Variants in PRKCH observed in about 807,000 individuals in gnomAD.
The protein encoded by PRKCH is protein kinase C eta type.
In PRKCH, 28 loss-of-function variants were observed where a neutral mutation model predicts 82.5. The ratio of observed to expected loss-of-function variants is 0.34; its 90% CI spans 0.25 to 0.47. The LOEUF is 0.47. Among genes scored for constraint, PRKCH ranks in the 20% least tolerant of loss-of-function variants. PRKCH has a pLI of 1.00. For synonymous variants in PRKCH, 322 were observed against 327.4 expected (o/e 0.98, Z 0.18); for missense variants, 705 against 881.8 (o/e 0.80, Z 2.54).
intron 1 of PRKCH, among the ~76,000 whole-genome samples, chr14:61,260,197 T>G (rs2045034312): frequency 6.6e-6 from 1 of 152,222 alleles, no homozygotes; most frequent in African/African-American, 2.4e-5. Flanking sequence ...ATAAAGCTAA[T>G]TGCAACCCTT....
chr14:61,383,364 C>T (rs146197336), intron 1 of PRKCH, among the ~76,000 whole-genome samples: 70 of 152,124 alleles, frequency 4.6e-4, no homozygotes, highest in African/African-American at 1.6e-3. Flanking sequence ...AGGAACTCTG[C>T]GAGGCTCCTT....
chr14:61,306,099 TTGTC>T (rs2045483825), intron 1 of PRKCH: 1 of 152,230 alleles, frequency 6.6e-6, no homozygotes, highest in African/African-American at 2.4e-5. Context: ...ACATGGCCCT[TTGTC>T]TGGGACATGG....
chr14:61,476,576 CTGGTCTACTGTATATA>C (rs934076535), intron 9 of PRKCH: 1 of 152,182 alleles, frequency 6.6e-6, no homozygotes, highest in African/African-American at 2.4e-5. Context: ...CTTTGTTTCC[CTGGTCTACTGTATATA>C]TGCCAGTAAG....
chr14:61,320,690 G>A (rs2045606735), upstream of PRKCH, among the ~76,000 whole-genome samples: 1 of 152,212 alleles, frequency 6.6e-6, no homozygotes, highest in Non-Finnish European at 1.5e-5. Context: ...CAAGCTTTGC[G>A]GCATAGCAGC....
chr14:61,285,617 C>T (rs1042784947), intron 1 of PRKCH, among the ~76,000 whole-genome samples: 4 of 152,138 alleles, frequency 2.6e-5, no homozygotes, highest in Non-Finnish European at 4.4e-5. Context: ...ACAGTCACTG[C>T]GTAAACACTT....
chr14:61,450,103 A>G (rs1193231757), intron 5 of PRKCH, among the ~76,000 whole-genome samples: 3 of 152,192 alleles, frequency 2.0e-5, no homozygotes, highest in Admixed American at 6.5e-5. Flanking sequence ...CACATATAGG[A>G]TTGCTAAAGA....
chr14:61,414,086 TTGGGGGATCC>T (rs980798948), intron 2 of PRKCH, among the ~76,000 whole-genome samples: 1 of 152,086 alleles, frequency 6.6e-6, no homozygotes, highest in African/African-American at 2.4e-5. Flanking sequence ...GTTTGTATCC[TTGGGGGATCC>T]ATCTTCAGCC....
chr14:61,240,446 A>C (rs530895825), intron 1 of PRKCH, among the ~76,000 whole-genome samples: 1 of 152,236 alleles, frequency 6.6e-6, no homozygotes, highest in South Asian at 2.1e-4. Context: ...GAAGTCCTGC[A>C]CATGTGGTGT....
At chr14:61,530,693 T>A in intron 12 of PRKCH, 98 bp downstream of exon 12, 1 of 1,093,220 alleles carries the variant, frequency 9.1e-7, no homozygotes, top group Non-Finnish European at 1.3e-6. Context: ...AGTAAACCAC[T>A]AGCTCTAACT....
At chr14:61,453,406 G>A in intron 7 of PRKCH, 53 bp downstream of exon 7, 14 of 1,586,424 alleles carry the variant, frequency 8.8e-6, no homozygotes, top group Non-Finnish European at 1.2e-5. Flanking sequence ...GCTCAGATGT[G>A]ATGAGCCCAA....
At chr14:61,239,216 C>T (rs1273628645) in intron 1 of PRKCH, among the ~76,000 whole-genome samples, 1 of 152,200 alleles carries the variant, frequency 6.6e-6, no homozygotes, top group Non-Finnish European at 1.5e-5. Context: ...ACCAAAGATA[C>T]TGCCCCTAAA....
chr14:61,195,710 A>G (rs996896115), intron 1 of PRKCH, among the ~76,000 whole-genome samples: 1 of 152,150 alleles, frequency 6.6e-6, no homozygotes, highest in Admixed American at 6.6e-5. Context: ...GTCAGTTAAG[A>G]GTTTGGTGAG....
At chr14:61,244,044 C>G (rs2044861578) in intron 1 of PRKCH, among the ~76,000 whole-genome samples, 1 of 152,034 alleles carries the variant, frequency 6.6e-6, no homozygotes, top group Non-Finnish European at 1.5e-5. Flanking sequence ...GCTCTCCCAT[C>G]ATCAGTTTGG....
chr14:61,341,144 A>G (rs946598150), intron 1 of PRKCH, among the ~76,000 whole-genome samples: 2 of 152,118 alleles, frequency 1.3e-5, no homozygotes, highest in South Asian at 2.1e-4. Flanking sequence ...CCTGTGCCCT[A>G]TAAAGTTCAG....
At chr14:61,191,771 A>G (rs1274996548) in intron 1 of PRKCH, among the ~76,000 whole-genome samples, 1 of 152,102 alleles carries the variant, frequency 6.6e-6, no homozygotes, top group African/African-American at 2.4e-5. Flanking sequence ...TTTGGCTTTG[A>G]TGGCTTTGGG....
chr14:61,236,599 T>G (rs945152598), intron 1 of PRKCH, among the ~76,000 whole-genome samples: 1 of 150,170 alleles, frequency 6.7e-6, no homozygotes, highest in Non-Finnish European at 1.5e-5. Context: ...TCCCAGCTAC[T>G]TGGGAGGCTG....
chr14:61,334,183 C>A (rs1237278984), intron 1 of PRKCH, among the ~76,000 whole-genome samples: 1 of 152,152 alleles, frequency 6.6e-6, no homozygotes, highest in East Asian at 1.9e-4. Context: ...TCCAGTCAGT[C>A]ATTCATAGGT....
intron 1 of PRKCH, among the ~76,000 whole-genome samples, chr14:61,223,338 T>C (rs2044670140): frequency 6.6e-6 from 1 of 152,206 alleles, no homozygotes; most frequent in Non-Finnish European, 1.5e-5. Flanking sequence ...GGGTGGGACC[T>C]AAAGGTTTGA....
chr14:61,538,539 A>G (rs570799375), intron 12 of PRKCH, among the ~76,000 whole-genome samples: 1 of 152,300 alleles, frequency 6.6e-6, no homozygotes, highest in African/African-American at 2.4e-5. Flanking sequence ...AGCAGTGTAA[A>G]GGATTTTTTA....
Sources: allele counts gnomAD v4.1 joint callset (sites outside exome capture counted in the v4.1 genomes callset), GRCh38; gene constraint gnomAD v4.1.1; transcripts MANE v1.5; gene names NCBI Gene and HGNC (gene_info 2026-07-23, HGNC 2026-07-21).